CATSPERE: variants seen among roughly 807,000 people sequenced by gnomAD.
CATSPERE encodes cation channel sperm-associated auxiliary subunit epsilon.
CATSPERE carries 93 observed loss-of-function variants against 114.1 expected under a neutral mutation model. That is an observed-to-expected ratio of 0.81 (90% confidence interval 0.69 to 0.97). CATSPERE has a LOEUF of 0.97. CATSPERE is among the 50% of genes least tolerant of loss of function. The probability of loss-of-function intolerance (pLI) is 0.00; values close to 1 mark genes in which losing one functional copy is unlikely to be tolerated. For missense variants in CATSPERE, 1,058 were observed against 1,131.6 expected (o/e 0.93, Z 0.93); for synonymous variants, 341 against 384.1 (o/e 0.89, Z 1.31).
At chr1:244,451,822 C>A, upstream of CATSPERE, 1 of 1,577,818 alleles carries the variant, frequency 6.3e-7, no homozygotes, top group Admixed American at 1.8e-5. This position sits in a 1 kb window ranked among gnomAD's most constrained non-coding sequence, Gnocchi z 6.6. Context: ...CGCCATGGCT[C>A]CAGTGACGCG....
chr1:244,494,500 C>T (rs1446932112), intron 6 of CATSPERE, among the ~76,000 whole-genome samples: 1 of 147,956 alleles, frequency 6.8e-6, no homozygotes, highest in Non-Finnish European at 1.5e-5. Context: ...ATACCTAATG[C>T]TAAATGACGA....
At chr1:244,487,531 A>G (rs567817426) in intron 5 of CATSPERE, among the ~76,000 whole-genome samples, 1 of 152,224 alleles carries the variant, frequency 6.6e-6, no homozygotes, top group East Asian at 1.9e-4. Context: ...AAGCCACGCC[A>G]TCATCACCAT....
chr1:244,562,676 T>G (rs1265125242), intron 10 of CATSPERE, among the ~76,000 whole-genome samples: 1 of 152,202 alleles, frequency 6.6e-6, no homozygotes, highest in Non-Finnish European at 1.5e-5. Context: ...ACAAATTTAT[T>G]GGCCATATTC....
At chr1:244,484,095 A>G (rs549653351) in intron 5 of CATSPERE, among the ~76,000 whole-genome samples, 1 of 152,104 alleles carries the variant, frequency 6.6e-6, no homozygotes, top group African/African-American at 2.4e-5. Flanking sequence ...TCACATATCA[A>G]TTTTCCATAT....
chr1:244,497,414 AAAT>A (rs1673275334), intron 6 of CATSPERE, among the ~76,000 whole-genome samples: 1 of 152,234 alleles, frequency 6.6e-6, no homozygotes. Context: ...AACAAAAAAA[AAAT>A]GAGCGAATGA....
chr1:244,560,720 T>G lies in CATSPERE; in HGVS notation c.1082T>G (p.Leu361Arg). Residue 361 changes from leucine (L) to arginine (R), a missense_variant, in exon 10 of 22, where the codon CTC (leucine) becomes CGC (arginine). Transcript: ENST00000366534. ...FAVWTENEIY[L>R]GSILLKFARL... ...GTCTGGACAGAAAATGAAATTTACC[T>G]CGGATCCATTCTTCTTAAGTTTGCC... 6.2e-7 allele frequency: 1 copy of G among 1,613,840 alleles called. No individual in the cohort carries two copies. The highest frequency in any genetic ancestry group is 8.5e-7 in the Non-Finnish European group (1 of 1,179,920).
intron 8 of CATSPERE, among the ~76,000 whole-genome samples, chr1:244,544,513 C>T (rs909455098): frequency 6.6e-6 from 1 of 152,152 alleles, no homozygotes; most frequent in African/African-American, 2.4e-5. Context: ...GACAGAATCC[C>T]CATATTAGTT....
chr1:244,629,904 T>G (rs913552141), intron 20 of CATSPERE, among the ~76,000 whole-genome samples: 79 of 152,146 alleles, frequency 5.2e-4, no homozygotes, highest in African/African-American at 1.5e-3. Context: ...CCTCCCAAAC[T>G]GCTGGGATTA....
rs1044542816 is a variant in CATSPERE at position 244,461,342 on chromosome 1, A to G, written c.-88A>G. The G allele has an allele frequency of 2.5e-6, 3 of 1,194,532 alleles. No individual in the cohort carries two copies. Among genetic ancestry groups the G allele is most frequent in the African/African-American group, 1.6e-5 (1 of 63,018 alleles). The allele number at this position is 1,194,532 out of a possible 1,614,324, so 74.0% of individuals were successfully genotyped here. A position where few individuals can be genotyped will look rare whatever the true frequency, so the allele number is the denominator to read the frequency against. On this transcript the variant is annotated 5_prime_UTR_variant, in exon 1 of 22. Transcript: ENST00000366534. The stretch of plus-strand genomic sequence containing the variant: ...GAGGCGCCGGGACCCAGGCGCCTGC[A>G]GCCGCCCGCCGGGCCGACGTCCCAC...
chr1:244,610,807 CT>C (rs1670622513), intron 19 of CATSPERE, among the ~76,000 whole-genome samples: 1 of 148,760 alleles, frequency 6.7e-6, no homozygotes. Flanking sequence ...GGCTGCTAAG[CT>C]GGAGGGCAGT....
intron 9 of CATSPERE, among the ~76,000 whole-genome samples, chr1:244,560,283 C>T (rs1047726659): frequency 6.6e-6 from 1 of 152,040 alleles, no homozygotes; most frequent in Non-Finnish European, 1.5e-5. Context: ...GAAACCACCA[C>T]ACCTGGTCTC....
At chr1:244,574,676 A>G (rs577411913) in intron 11 of CATSPERE, among the ~76,000 whole-genome samples, 25 of 152,148 alleles carry the variant, frequency 1.6e-4, no homozygotes, top group Middle Eastern at 3.2e-3. Context: ...TATTTGGCAG[A>G]GTGTTCAGTA....
At chr1:244,479,430 G>T (rs994280365) in intron 4 of CATSPERE, among the ~76,000 whole-genome samples, 1 of 152,118 alleles carries the variant, frequency 6.6e-6, no homozygotes, top group East Asian at 1.9e-4. Context: ...TGTAACAACC[G>T]AAAGCATCTT....
intron 8 of CATSPERE, among the ~76,000 whole-genome samples, chr1:244,522,919 G>A (rs1013045113): frequency 3.3e-5 from 5 of 152,074 alleles, no homozygotes; most frequent in Non-Finnish European, 7.4e-5. Flanking sequence ...AGGAGGAACT[G>A]GTACCATTCC....
chr1:244,507,133 G>T (rs1395956109), intron 7 of CATSPERE, among the ~76,000 whole-genome samples: 2 of 151,966 alleles, frequency 1.3e-5, no homozygotes, highest in African/African-American at 2.4e-5. Flanking sequence ...TATATAGACT[G>T]CATTTTCTTT....
At chr1:244,461,608 C>A in intron 1 of CATSPERE, 114 bp downstream of exon 1, 1 of 803,624 alleles carries the variant, frequency 1.2e-6, no homozygotes, top group Non-Finnish European at 1.7e-6. Flanking sequence ...CCCTGGCCGA[C>A]CACTGCCTCG....
Position 244,561,077 on chromosome 1 carries a change from A to G in CATSPERE, c.1439A>G (p.Gln480Arg). The G allele has an allele frequency of 6.2e-7, 1 of 1,612,166 alleles. No homozygotes were observed. Among genetic ancestry groups the G allele is most frequent in the Non-Finnish European group, 8.5e-7 (1 of 1,178,592 alleles). The change falls in exon 10 of 22, where the codon CAG (glutamine) becomes CGG (arginine). Residue 480 changes from glutamine (Q) to arginine (R), a missense_variant. By Grantham distance (43) the Gln-to-Arg change is conservative (BLOSUM62 1). Transcript: ENST00000366534. Reference sequence around the variant, plus strand: ...AATTTCACCTTTACTGGGATTTTACAGACACCTGCAGGACATGGAAATCTA... The same window carrying G: ...AATTTCACCTTTACTGGGATTTTACGGACACCTGCAGGACATGGAAATCTA... The part of the protein sequence containing the change: ...YHNFTFTGIL[Q>R]TPAGHGNLSM...
chr1:244,495,850 A>G (rs1427047810), intron 6 of CATSPERE, among the ~76,000 whole-genome samples: 1 of 152,208 alleles, frequency 6.6e-6, no homozygotes, highest in Non-Finnish European at 1.5e-5. Flanking sequence ...CTGTAAACAG[A>G]TAAGGGATTA....
chr1:244,624,022 C>A (rs139814228), intron 20 of CATSPERE, among the ~76,000 whole-genome samples: 7 of 151,760 alleles, frequency 4.6e-5, no homozygotes, highest in Middle Eastern at 3.2e-3. Flanking sequence ...AGTGCAGTGG[C>A]GCAATCTCAA....
Sources: allele counts gnomAD v4.1 joint callset (sites outside exome capture counted in the v4.1 genomes callset), GRCh38; gene constraint gnomAD v4.1.1; non-coding constraint Gnocchi (gnomAD v3.1); transcripts MANE v1.5; gene names NCBI Gene and HGNC (gene_info 2026-07-23, HGNC 2026-07-21).